SPMIP2: variants seen among roughly 807,000 people sequenced by gnomAD.
The protein encoded by SPMIP2 is protein SPMIP2.
chr4:159,001,987 G>T, the SPMIP2 span, among the ~76,000 whole-genome samples: 1 of 152,062 alleles, frequency 6.6e-6, no homozygotes, highest in African/African-American at 2.4e-5. Flanking sequence ...CTGCATCCTC[G>T]CCAGCATCTG....
the SPMIP2 span, among the ~76,000 whole-genome samples, chr4:159,071,560 A>C: frequency 6.6e-6 from 1 of 152,224 alleles, no homozygotes; most frequent in South Asian, 2.1e-4. Context: ...TCATTATGAA[A>C]GAAAATGAAG....
chr4:159,028,082 A>T, the SPMIP2 span, among the ~76,000 whole-genome samples: 1 of 152,114 alleles, frequency 6.6e-6, no homozygotes, highest in African/African-American at 2.4e-5. Flanking sequence ...CCCCATATAA[A>T]CAGGGAGCAG....
chr4:158,986,818 A>G, the SPMIP2 span, among the ~76,000 whole-genome samples: 11 of 150,842 alleles, frequency 7.3e-5, no homozygotes, highest in Admixed American at 2.0e-4. Context: ...GCACAGCAAA[A>G]GAAACTACCA....
the SPMIP2 span, among the ~76,000 whole-genome samples, chr4:159,027,203 A>G: frequency 6.6e-6 from 1 of 152,132 alleles, no homozygotes; most frequent in Admixed American, 6.6e-5. Flanking sequence ...TGCTATTATG[A>G]TAGCAACGCC....
chr4:158,985,496 T>C, the SPMIP2 span, among the ~76,000 whole-genome samples: 1 of 151,982 alleles, frequency 6.6e-6, no homozygotes. Flanking sequence ...AATCAATCAG[T>C]GTAATCCAGC....
chr4:158,902,445 G>A, the SPMIP2 span, among the ~76,000 whole-genome samples: 6 of 152,220 alleles, frequency 3.9e-5, no homozygotes, highest in Non-Finnish European at 7.3e-5. Context: ...GTGTCTCCCA[G>A]TCAGGATACA....
At chr4:158,983,416 G>C in the SPMIP2 span, among the ~76,000 whole-genome samples, 1 of 151,522 alleles carries the variant, frequency 6.6e-6, no homozygotes, top group East Asian at 1.9e-4. Flanking sequence ...AGAGAGAAAG[G>C]TCGGGTTACC....
chr4:158,998,872 A>G, the SPMIP2 span, among the ~76,000 whole-genome samples: 1 of 152,140 alleles, frequency 6.6e-6, no homozygotes, highest in African/African-American at 2.4e-5. Context: ...TGGCTTGTAA[A>G]ACGTATGTAC....
At chr4:159,013,559 CAGAG>C in the SPMIP2 span, among the ~76,000 whole-genome samples, 53 of 152,152 alleles carry the variant, frequency 3.5e-4, no homozygotes, top group African/African-American at 1.3e-3. Context: ...CAGGTGAAGA[CAGAG>C]AGAGGAAGGC....
the SPMIP2 span, among the ~76,000 whole-genome samples, chr4:158,942,619 A>G: frequency 6.6e-6 from 1 of 152,020 alleles, no homozygotes; most frequent in African/African-American, 2.4e-5. Flanking sequence ...AAAATTCAAA[A>G]ATTAGCCAGG....
At chr4:159,042,599 A>T in the SPMIP2 span, among the ~76,000 whole-genome samples, 2 of 152,020 alleles carry the variant, frequency 1.3e-5, no homozygotes, top group African/African-American at 4.8e-5. Flanking sequence ...TTGGGTGACA[A>T]CTCTTTTAAT....
chr4:158,897,512 T>G, the SPMIP2 span, among the ~76,000 whole-genome samples: 1 of 152,236 alleles, frequency 6.6e-6, no homozygotes, highest in Admixed American at 6.5e-5. Flanking sequence ...TGTTTTTTCC[T>G]GACTTTTTAG....
chr4:159,072,835 T>C, the SPMIP2 span, among the ~76,000 whole-genome samples: 2 of 152,198 alleles, frequency 1.3e-5, no homozygotes, highest in Non-Finnish European at 2.9e-5. Context: ...ATTTAGAATA[T>C]TAATGAAAAG....
chr4:158,995,174 A>C, the SPMIP2 span, among the ~76,000 whole-genome samples: 14 of 152,220 alleles, frequency 9.2e-5, no homozygotes, highest in African/African-American at 3.4e-4. Context: ...TACTCTGGAC[A>C]CCCAAAGTGC....
chr4:159,027,472 T>C, the SPMIP2 span, among the ~76,000 whole-genome samples: 12 of 152,128 alleles, frequency 7.9e-5, no homozygotes, highest in African/African-American at 2.9e-4. Flanking sequence ...GACAACAGAA[T>C]AAAAGGCAGG....
the SPMIP2 span, chr4:158,960,194 T>C: frequency 1.3e-6 from 1 of 748,722 alleles, no homozygotes; most frequent in Non-Finnish European, 2.2e-6. Context: ...AAAGAAAGTG[T>C]TAATATACTT....
At chr4:159,067,232 A>AG in the SPMIP2 span, among the ~76,000 whole-genome samples, 2 of 152,060 alleles carry the variant, frequency 1.3e-5, no homozygotes, top group Non-Finnish European at 2.9e-5. Context: ...TATTTAAAAA[A>AG]AAACCAACAT....
At chr4:159,042,490 T>A in the SPMIP2 span, among the ~76,000 whole-genome samples, 1 of 152,214 alleles carries the variant, frequency 6.6e-6, no homozygotes, top group Non-Finnish European at 1.5e-5. Context: ...CTTGGACTCC[T>A]TGGCTCAACG....
At chr4:158,905,694 C>CAAAAAAAAAAAA in the SPMIP2 span, 1 of 118,418 alleles carries the variant, frequency 8.4e-6, no homozygotes, top group Non-Finnish European at 1.8e-5. Context: ...AAAGTTCATG[C>CAAAAAAAAAAAA]AAAAAAAAAA....
Sources: allele counts gnomAD v4.1 joint callset (sites outside exome capture counted in the v4.1 genomes callset), GRCh38; gene constraint gnomAD v4.1.1; transcripts MANE v1.5; gene names NCBI Gene and HGNC (gene_info 2026-07-23, HGNC 2026-07-21).